Variants in PEX14 observed in about 807,000 individuals in gnomAD.
PEX14 encodes the protein peroxisomal membrane protein PEX14.
Under a neutral mutation model 49.5 loss-of-function variants are expected in PEX14, and 15 were observed. The ratio of observed to expected loss-of-function variants is 0.30; its 90% CI spans 0.20 to 0.47. PEX14 has a LOEUF of 0.47. Among genes scored for constraint, PEX14 ranks in the 20% least tolerant of loss-of-function variants. The pLI is 1.00. For missense variants in PEX14, 398 were observed against 494.8 expected, an observed-to-expected ratio of 0.80 and a Z score of 1.86; for synonymous variants, 210 against 212.7, an observed-to-expected ratio of 0.99 and a Z score of 0.11.
At chr1:10,543,012 G>C (rs1175450250) in intron 3 of PEX14, among the ~76,000 whole-genome samples, 3 of 152,198 alleles carry the variant, frequency 2.0e-5, no homozygotes, top group African/African-American at 7.2e-5. Context: ...CTTTTTTAAG[G>C]TAAACATGGA....
chr1:10,577,253 T>C (rs1357499919), intron 3 of PEX14, among the ~76,000 whole-genome samples: 2 of 150,786 alleles, frequency 1.3e-5, no homozygotes, highest in Non-Finnish European at 3.0e-5. Context: ...AAAAATTAGC[T>C]GGGCTTGGTG....
At chr1:10,485,882 A>G (rs56955423) in intron 1 of PEX14, among the ~76,000 whole-genome samples, 2,442 of 149,558 alleles carry the variant, frequency 0.016, 119 homozygotes, top group African/African-American at 0.059. Context: ...CAGACTCCCT[A>G]GTAGCTGAGA....
intron 2 of PEX14, among the ~76,000 whole-genome samples, chr1:10,499,418 T>G (rs1641627453): frequency 6.6e-6 from 1 of 151,486 alleles, no homozygotes; most frequent in South Asian, 2.1e-4. Context: ...TTCCTGCATC[T>G]CTCCACCAAA....
At chr1:10,487,026 T>A (rs1641381531) in intron 1 of PEX14, among the ~76,000 whole-genome samples, 2 of 152,150 alleles carry the variant, frequency 1.3e-5, no homozygotes, top group African/African-American at 4.8e-5. Context: ...TATTTTTGAA[T>A]GTTGTCAGGT....
In PEX14 at chr1:10,514,235, A is replaced by T. The variant is rs1641935194; in HGVS notation, c.84+18914A>T. Among the ~76,000 whole-genome samples the T allele has an allele frequency of 6.6e-6, 1 of 151,574 alleles. No homozygotes were observed. Among genetic ancestry groups the T allele is most frequent in the South Asian group, 2.1e-4 (1 of 4,802 alleles). ...AAACGGCAGAGTCACCTTCTAAAAC[A>T]GCAGTGAGAAACTTCTGTCATCCTT... On this transcript the variant is annotated intron_variant, in intron 2 of 8. Coordinates refer to ENST00000356607, the MANE Select transcript of PEX14 (RefSeq NM_004565.3). This position sits in a 1 kb window ranked among gnomAD's most constrained non-coding sequence, Gnocchi z 4.4.
At chr1:10,513,175 A>C (rs928472817) in intron 2 of PEX14, among the ~76,000 whole-genome samples, 1 of 152,202 alleles carries the variant, frequency 6.6e-6, no homozygotes, top group African/African-American at 2.4e-5. Context: ...TAACAAATTG[A>C]TGGCTGTGAG....
intron 2 of PEX14, among the ~76,000 whole-genome samples, chr1:10,524,061 C>T (rs919767572): frequency 1.4e-4 from 22 of 152,138 alleles, no homozygotes; most frequent in Non-Finnish European, 2.2e-4. Flanking sequence ...CTCTGCCACT[C>T]GAGCGCTAAT....
intron 3 of PEX14, among the ~76,000 whole-genome samples, chr1:10,563,433 C>G (rs1248324539): frequency 6.6e-6 from 1 of 150,400 alleles, no homozygotes; most frequent in Non-Finnish European, 1.5e-5. Context: ...AACCCCATCT[C>G]TACTAAAAAT....
At chr1:10,602,422 T>TAA (rs78738767) in intron 4 of PEX14, among the ~76,000 whole-genome samples, 3 of 137,554 alleles carry the variant, frequency 2.2e-5, no homozygotes, top group African/African-American at 5.4e-5. Flanking sequence ...CAAAACTGCT[T>TAA]AAAAAAAAAA....
chr1:10,566,991 T>G (rs991949497), intron 3 of PEX14, among the ~76,000 whole-genome samples: 1 of 152,202 alleles, frequency 6.6e-6, no homozygotes, highest in African/African-American at 2.4e-5. Context: ...AGTAAATACT[T>G]TAAGGTTTTG....
At chr1:10,511,111 AG>A (rs1306472911) in intron 2 of PEX14, among the ~76,000 whole-genome samples, 1 of 152,212 alleles carries the variant, frequency 6.6e-6, no homozygotes, top group Non-Finnish European at 1.5e-5. Context: ...GTCTAGAAAC[AG>A]CCCCTTTTGA....
At chr1:10,624,102 T>C (rs145230374) in intron 6 of PEX14, among the ~76,000 whole-genome samples, 1 of 152,254 alleles carries the variant, frequency 6.6e-6, no homozygotes, top group Non-Finnish European at 1.5e-5. Flanking sequence ...TGGACGGATA[T>C]ACTGTTGACC....
At chr1:10,485,204 G>A (rs1029039025) in intron 1 of PEX14, among the ~76,000 whole-genome samples, 4 of 150,874 alleles carry the variant, frequency 2.7e-5, no homozygotes. Flanking sequence ...GTAGGCTTAT[G>A]TAGTAAGTAT....
intron 3 of PEX14, among the ~76,000 whole-genome samples, chr1:10,555,374 G>C (rs993077415): frequency 6.6e-6 from 1 of 152,092 alleles, no homozygotes; most frequent in Non-Finnish European, 1.5e-5. Flanking sequence ...GAGTCGGGGG[G>C]AGAGATGGGG....
chr1:10,624,617 C>G (rs1225107199), intron 7 of PEX14, among the ~76,000 whole-genome samples, 180 bp downstream of exon 7: 1 of 152,218 alleles, frequency 6.6e-6, no homozygotes, highest in African/African-American at 2.4e-5. Context: ...GAGGCTGTTG[C>G]TGGGCAGTCA....
At chr1:10,475,023 C>A in intron 1 of PEX14, 21 bp downstream of exon 1, 1 of 1,603,942 alleles carries the variant, frequency 6.2e-7, no homozygotes, top group Non-Finnish European at 8.5e-7. Context: ...TGGGACTGCC[C>A]CGCTGTGCGG....
chr1:10,619,862 T>G (rs1220709041), intron 5 of PEX14, among the ~76,000 whole-genome samples: 7 of 152,032 alleles, frequency 4.6e-5, no homozygotes, highest in African/African-American at 1.7e-4. Context: ...TCCCAGCACT[T>G]TGGGAGGCTG....
In PEX14 at chr1:10,514,233, A is replaced by T. The variant is rs953716837; in HGVS notation, c.84+18912A>T. 1.3e-5 allele frequency among the ~76,000 whole-genome samples: 2 copies of T among 151,092 alleles called. No individual in the cohort carries two copies. The highest frequency in any genetic ancestry group is 2.4e-5 in the African/African-American group (1 of 41,124). ...AGAAACGGCAGAGTCACCTTCTAAA[A>T]CAGCAGTGAGAAACTTCTGTCATCC... is the stretch of plus-strand genomic sequence containing the variant. On this transcript the variant is annotated intron_variant, in intron 2 of 8. Coordinates refer to ENST00000356607, the MANE Select transcript of PEX14 (RefSeq NM_004565.3). This position sits in a 1 kb window ranked among gnomAD's most constrained non-coding sequence, Gnocchi z 4.4.
At chr1:10,559,365 C>A (rs1381125542) in intron 3 of PEX14, among the ~76,000 whole-genome samples, 1 of 152,142 alleles carries the variant, frequency 6.6e-6, no homozygotes, top group Non-Finnish European at 1.5e-5. Flanking sequence ...CTATTTGGTC[C>A]AGTATTTATT....
Sources: allele counts gnomAD v4.1 joint callset (sites outside exome capture counted in the v4.1 genomes callset), GRCh38; gene constraint gnomAD v4.1.1; non-coding constraint Gnocchi (gnomAD v3.1); transcripts MANE v1.5; gene names NCBI Gene and HGNC (gene_info 2026-07-23, HGNC 2026-07-21).